The following GOLGA1 variants were observed in gnomAD, a reference collection of about 807,000 sequenced individuals.
The protein encoded by GOLGA1 is golgin A1.
Under a neutral mutation model 119.7 loss-of-function variants are expected in GOLGA1, and 63 were observed. That is an observed-to-expected ratio of 0.53 (90% CI 0.43 to 0.65). The LOEUF is 0.65. Among genes scored for constraint, GOLGA1 ranks in the 30% least tolerant of loss-of-function variants. GOLGA1 has a pLI of 0.00. For synonymous variants in GOLGA1, 318 were observed against 333.4 expected, an observed-to-expected ratio of 0.95 and a Z score of 0.50; for missense variants, 798 against 912.8, an observed-to-expected ratio of 0.87 and a Z score of 1.62.
intron 12 of GOLGA1, among the ~76,000 whole-genome samples, chr9:124,901,438 T>TG (rs1452798050): frequency 1.4e-5 from 2 of 146,530 alleles, no homozygotes; most frequent in African/African-American, 5.0e-5. Context: ...GCCCAGCTAT[T>TG]TTTTTTTTTT....
chr9:124,930,997 T>C (rs1830761062), intron 4 of GOLGA1, among the ~76,000 whole-genome samples: 1 of 152,168 alleles, frequency 6.6e-6, no homozygotes, highest in Admixed American at 6.6e-5. Flanking sequence ...ACTAACGCCA[T>C]CCCTTTCCAC....
At position 124,926,850 on chromosome 9, in the gene GOLGA1, CA is replaced by C. The variant is rs1830684217; in HGVS notation, c.400-110del. ...TCTTCCCAGAAAGCAACTAACCAAACAAAACAAAAAAGCCAATTAAAAAAAA... is the reference window on the plus strand; with the variant it reads ...TCTTCCCAGAAAGCAACTAACCAAACAAACAAAAAAGCCAATTAAAAAAAA... On this transcript the variant is annotated intron_variant, in intron 6 of 22. Coordinates refer to ENST00000373555, the MANE Select transcript of GOLGA1 (RefSeq NM_002077.4). The C allele has an allele frequency of 2.7e-5, 16 of 594,546 alleles. 2 individuals are homozygous for C. The South Asian group carries it at 4.3e-4, about 16-fold the overall frequency. The allele number at this position is 594,546 out of a possible 1,614,324, so 36.8% of individuals were successfully genotyped here. A position where few individuals can be genotyped will look rare whatever the true frequency, so the allele number is the denominator to read the frequency against.
chr9:124,946,523 A>G lies in GOLGA1; in HGVS notation c.-156+1395T>C, dbSNP rs937947884. On this transcript the variant is annotated intron_variant, in intron 1 of 4. Coordinates refer to the GOLGA1 transcript ENST00000421514. This position sits in a 1 kb window ranked among gnomAD's most constrained non-coding sequence, Gnocchi z 4.0. The stretch of plus-strand genomic sequence containing the variant: ...ATTTTATCATGCAAAAATAACCTCT[A>G]CTTAATTTCTGCAGTGAATGTATTT... 1 of 152,214 alleles carries G rather than the reference A, an allele frequency of 6.6e-6. No homozygotes were observed. The highest frequency in any genetic ancestry group is 1.5e-5 in the Non-Finnish European group (1 of 68,030). 9.4% of individuals were successfully genotyped at this position (152,214 alleles called of 1,614,324 possible).
At chr9:124,928,525 T>A (rs1195751530) in intron 5 of GOLGA1, among the ~76,000 whole-genome samples, 1 of 152,110 alleles carries the variant, frequency 6.6e-6, no homozygotes, top group African/African-American at 2.4e-5. Flanking sequence ...CAAGTATATA[T>A]ATTTACAAAG....
Position 124,889,493 on chromosome 9 carries a change from A to G in GOLGA1, c.1541T>C (p.Leu514Pro). The change falls in exon 17 of 23, where the codon CTG (leucine) becomes CCG (proline). Residue 514 changes from leucine to proline, a missense_variant. By Grantham distance (98) the Leu-to-Pro change is moderately conservative. Coordinates refer to ENST00000373555, the MANE Select transcript of GOLGA1 (RefSeq NM_002077.4). ...TAIIDEKEQNLREKTEVLLQK... is the reference protein window; with the variant it reads ...TAIIDEKEQNPREKTEVLLQK... Reference sequence around the variant, plus strand: ...GAGAAGCACTTCGGTTTTTTCCCGCAGATTCTGTTCCTTCTCGTCTATTAT... The same window carrying G: ...GAGAAGCACTTCGGTTTTTTCCCGCGGATTCTGTTCCTTCTCGTCTATTAT... The G allele has an allele frequency of 5.0e-6, 8 of 1,614,002 alleles. No homozygotes were observed. Among genetic ancestry groups the G allele is most frequent in the Non-Finnish European group, 5.9e-6 (7 of 1,179,882 alleles).
intron 15 of GOLGA1, among the ~76,000 whole-genome samples, chr9:124,895,603 G>A (rs1233503416): frequency 8.2e-5 from 10 of 122,670 alleles, no homozygotes; most frequent in African/African-American, 1.9e-4. Context: ...GACCCTCCAC[G>A]ACAGAGAGCC....
At chr9:124,943,696 A>C (rs1036854790), upstream of GOLGA1, 13 of 152,342 alleles carry the variant, frequency 8.5e-5, no homozygotes, top group African/African-American at 3.1e-4. Flanking sequence ...GAATGTAGAC[A>C]ATAAGTTCAG....
intron 3 of GOLGA1, among the ~76,000 whole-genome samples, chr9:124,935,457 G>A (rs557755005): frequency 9.8e-5 from 15 of 152,306 alleles, no homozygotes; most frequent in African/African-American, 3.1e-4. Flanking sequence ...GATTAGGGAT[G>A]CTTAACCTCT....
At chr9:124,922,912 C>T (rs1298510082) in intron 8 of GOLGA1, among the ~76,000 whole-genome samples, 183 bp downstream of exon 8, 1 of 151,850 alleles carries the variant, frequency 6.6e-6, no homozygotes, top group Non-Finnish European at 1.5e-5. Flanking sequence ...AGAAAAAGAA[C>T]ATTTTAAACA....
At chr9:124,929,676 A>G (rs1349091684) in intron 4 of GOLGA1, among the ~76,000 whole-genome samples, 3 of 152,196 alleles carry the variant, frequency 2.0e-5, no homozygotes, top group Non-Finnish European at 4.4e-5. Flanking sequence ...TGAACTCACT[A>G]AACAGCTCGC....
At chr9:124,899,253 T>A in intron 14 of GOLGA1, 76 bp downstream of exon 14, 3 of 1,375,268 alleles carry the variant, frequency 2.2e-6, no homozygotes, top group Non-Finnish European at 2.9e-6. Context: ...GGTGACACAC[T>A]GTCAAGCACG....
At chr9:124,933,103 G>C (rs1174561295) in intron 3 of GOLGA1, among the ~76,000 whole-genome samples, 1 of 152,120 alleles carries the variant, frequency 6.6e-6, no homozygotes, top group African/African-American at 2.4e-5. Flanking sequence ...CTAAGCACTA[G>C]GAATAGTGGT....
intron 7 of GOLGA1, among the ~76,000 whole-genome samples, chr9:124,924,633 TC>T (rs1056483692): frequency 3.8e-5 from 3 of 79,642 alleles, no homozygotes; most frequent in African/African-American, 6.2e-5. Context: ...TGAGACCCTG[TC>T]TCAAAAAAAA....
chr9:124,898,550 T>G lies in GOLGA1; in HGVS notation c.1406A>C (p.Lys469Thr), dbSNP rs761042816. 1.8e-5 allele frequency: 27 copies of G among 1,529,892 alleles called. No homozygotes were observed. The highest frequency in any genetic ancestry group is 2.4e-5 in the Non-Finnish European group (27 of 1,104,862). The allele number at this position is 1,529,892 out of a possible 1,614,324, so 94.8% of individuals were successfully genotyped here. ...QNHQFELKKLKEEWSQREIVS... is the reference protein window; with the variant it reads ...QNHQFELKKLTEEWSQREIVS... ...ACTTTGATTCAATTAGATAAATACC[T>G]TCAGCTTCTTTAGTTCAAATTGGTG... is the stretch of plus-strand genomic sequence containing the variant. The change falls in exon 15 of 23, where the codon AAG becomes ACG. Residue 469 changes from lysine (K) to threonine (T), a missense_variant and splice_region_variant. Transcript: ENST00000373555.
At chr9:124,916,708 T>TA (rs1303071585) in intron 10 of GOLGA1, among the ~76,000 whole-genome samples, 1 of 151,512 alleles carries the variant, frequency 6.6e-6, no homozygotes, top group African/African-American at 2.4e-5. Flanking sequence ...ACCTTAACTA[T>TA]AAAAAAATTT....
In GOLGA1 at chr9:124,900,554, G is replaced by GAACT; in HGVS notation, c.1066-8_1066-7insAGTT. On this transcript the variant is annotated splice_polypyrimidine_tract_variant and splice_region_variant and intron_variant, in intron 12 of 22. Transcript: ENST00000373555. Reference sequence around the variant, plus strand: ...TCTGCTCCAGTTCTCTCACCTGAGAGGGAAGCAGAAGCATTCTTTCTGTTC... The same window carrying GAACT: ...TCTGCTCCAGTTCTCTCACCTGAGAGAACTGGAAGCAGAAGCATTCTTTCTGTTC... 2 of 1,434,552 alleles carry GAACT rather than the reference G, an allele frequency of 1.4e-6. No individual in the cohort carries two copies. The highest frequency in any genetic ancestry group is 2.0e-6 in the Non-Finnish European group (2 of 1,020,262). 88.9% of individuals were successfully genotyped at this position (1,434,552 alleles called of 1,614,324 possible).
chr9:124,914,385 C>T (rs1830398828), intron 10 of GOLGA1, among the ~76,000 whole-genome samples: 2 of 152,142 alleles, frequency 1.3e-5, no homozygotes, highest in Admixed American at 1.3e-4. Flanking sequence ...CCTGTAGTCC[C>T]AGCTACTCAG....
intron 15 of GOLGA1, among the ~76,000 whole-genome samples, chr9:124,896,747 G>T (rs1261626190): frequency 1.3e-5 from 2 of 152,164 alleles, no homozygotes; most frequent in African/African-American, 4.8e-5. Context: ...TTTAAAATCA[G>T]CCTAGTTAAC....
At chr9:124,939,550 CTTTT>C (rs3051147) in intron 2 of GOLGA1, among the ~76,000 whole-genome samples, 22,895 of 80,284 alleles carry the variant, frequency 0.29, 2,298 homozygotes, top group South Asian at 0.3. Context: ...TTCTTTCTTT[CTTTT>C]TTTTTTTTTT....
Sources: gnomAD v4.1 joint callset for allele counts (sites outside exome capture counted in the v4.1 genomes callset) on GRCh38, gnomAD v4.1.1 for gene constraint, Gnocchi (gnomAD v3.1) non-coding constraint, MANE v1.5 for transcripts, NCBI Gene and HGNC (gene_info 2026-07-23, HGNC 2026-07-21) for gene names.